Variants in SYNE1 observed in about 807,000 individuals in gnomAD.
SYNE1 encodes the protein nesprin-1.
A neutral mutation model predicts 1,111.0 loss-of-function variants in SYNE1; 616 were observed. That is an observed-to-expected ratio of 0.55 (90% CI 0.52 to 0.59). The LOEUF (loss-of-function observed/expected upper bound fraction) is 0.59. Among genes scored for constraint, SYNE1 ranks in the 20% least tolerant of loss-of-function variants. The pLI is 0.00. For missense variants in SYNE1, 10,006 were observed against 10,417.0 expected (o/e 0.96, Z 1.72); for synonymous variants, 3,855 against 3,825.8 (o/e 1.01, Z -0.28).
chr6:152,320,726 G>A (rs547595169), intron 84 of SYNE1, among the ~76,000 whole-genome samples: 21 of 152,330 alleles, frequency 1.4e-4, no homozygotes, highest in African/African-American at 5.0e-4. Flanking sequence ...TTCCTTGGGT[G>A]TTTAGAAGCT....
intron 3 of SYNE1, among the ~76,000 whole-genome samples, chr6:152,603,815 TATA>T (rs2099602062): frequency 8.0e-6 from 1 of 124,498 alleles, no homozygotes; most frequent in Non-Finnish European, 1.7e-5. Flanking sequence ...ATAGAGAGTA[TATA>T]TATATATAGA....
At chr6:152,567,497 A>AT (rs1176838947) in intron 3 of SYNE1, among the ~76,000 whole-genome samples, 2 of 152,110 alleles carry the variant, frequency 1.3e-5, no homozygotes, top group South Asian at 2.1e-4. Context: ...GCTTCTATTG[A>AT]TTTTTTTGTC....
chr6:152,339,197 TATA>T (rs1421123205), intron 75 of SYNE1, 41 bp downstream of exon 75: 1 of 1,607,982 alleles, frequency 6.2e-7, no homozygotes, highest in Non-Finnish European at 8.5e-7. Flanking sequence ...AGCAAGAGAA[TATA>T]ATAAAACAAA....
At chr6:152,379,637 T>C (rs187604237) in intron 56 of SYNE1, among the ~76,000 whole-genome samples, 1 of 152,226 alleles carries the variant, frequency 6.6e-6, no homozygotes, top group Admixed American at 6.5e-5. Flanking sequence ...AAAGAAAACA[T>C]GAATATTGAG....
intron 3 of SYNE1, among the ~76,000 whole-genome samples, chr6:152,603,974 C>T (rs2099604166): frequency 7.2e-6 from 1 of 138,318 alleles, no homozygotes; most frequent in African/African-American, 2.8e-5. Flanking sequence ...ATATGTATAT[C>T]TCTATATCTG....
chr6:152,425,349 C>T (rs746425463), intron 39 of SYNE1, 32 bp downstream of exon 39: 2 of 1,604,930 alleles, frequency 1.2e-6, no homozygotes, highest in East Asian at 2.2e-5. Flanking sequence ...AACAAATGAA[C>T]AATATTAGAA....
At position 152,540,033 on chromosome 6, in the gene SYNE1, A is replaced by G; in HGVS notation, c.68-12T>C. On this transcript the variant is annotated splice_polypyrimidine_tract_variant and intron_variant, in intron 3 of 145. Coordinates refer to ENST00000367255, the MANE Select transcript of SYNE1 (RefSeq NM_182961.4). The stretch of plus-strand genomic sequence containing the variant: ...TATCTCTTGCTCATCTAGAAGGAAA[A>G]AGAAATCTGGTTAAATAATGTAATA... The G allele has an allele frequency of 6.2e-7, 1 of 1,612,974 alleles. No homozygotes were observed. Among genetic ancestry groups the G allele is most frequent in the African/African-American group, 1.3e-5 (1 of 75,016 alleles).
At chr6:152,316,646 AT>A (rs1306450777) in intron 87 of SYNE1, 3 of 611,694 alleles carry the variant, frequency 4.9e-6, no homozygotes, top group Non-Finnish European at 8.5e-6. Context: ...AAGATCAAGG[AT>A]ATTTATTTAT....
intron 6 of SYNE1, among the ~76,000 whole-genome samples, chr6:152,515,437 G>A (rs1001994397): frequency 2.6e-5 from 4 of 152,068 alleles, no homozygotes; most frequent in Admixed American, 6.6e-5. Context: ...TCAACTGCCT[G>A]CCTTATTTAA....
intron 3 of SYNE1, among the ~76,000 whole-genome samples, chr6:152,580,780 G>A (rs1390187800): frequency 6.6e-6 from 1 of 152,126 alleles, no homozygotes; most frequent in African/African-American, 2.4e-5. Context: ...TTGTGGAGCA[G>A]AGATAAGCCA....
chr6:152,442,070 C>T lies in SYNE1; in HGVS notation c.4008+5G>A. On this transcript the variant is annotated splice_donor_5th_base_variant and intron_variant, in intron 31 of 145. Transcript: ENST00000367255. ...TTTAAATGGCCCCTAACTTCCGGCT[C>T]CTACCTGGATGCGGCGTTCCTGCCT... 6.2e-7 allele frequency: 1 copy of T among 1,614,102 alleles called. No homozygotes were observed.
At chr6:152,159,640 T>C (rs2152983616) in intron 131 of SYNE1, among the ~76,000 whole-genome samples, 1 of 152,226 alleles carries the variant, frequency 6.6e-6, no homozygotes, top group African/African-American at 2.4e-5. Flanking sequence ...GGTCTTGCTC[T>C]GTCACCCAGG....
chr6:152,215,420 G>A (rs754216641), intron 121 of SYNE1, among the ~76,000 whole-genome samples: 52 of 151,598 alleles, frequency 3.4e-4, no homozygotes, highest in Non-Finnish European at 6.2e-4. Context: ...TTTTTATTAC[G>A]TGTATTATAT....
Position 152,309,930 on chromosome 6 carries a change from C to A in SYNE1, c.17107G>T (p.Val5703Phe). The A allele has an allele frequency of 6.2e-7, 1 of 1,614,154 alleles. No homozygotes were observed. The highest frequency in any genetic ancestry group is 8.5e-7 in the Non-Finnish European group (1 of 1,180,044). ...GCATGACAGAGAGGTAAGCTGGCAA[C>A]CACATCCTCGGGGATCCGGAGGGCA... is the stretch of plus-strand genomic sequence containing the variant. ...QSALRIPEDV[V>F]ASLPLCHAAL... Residue 5703 changes from valine (V) to phenylalanine (F), a missense_variant, in exon 90 of 146, where the codon GTT becomes TTT. This residue lies in a region of SYNE1 where 4,955 missense variants were observed against 5,017.2 expected (regional missense o/e 0.99). Transcript: ENST00000367255.
At chr6:152,481,061 G>T in intron 14 of SYNE1, 8 of 283,750 alleles carry the variant, frequency 2.8e-5, no homozygotes, top group South Asian at 1.1e-4. Flanking sequence ...GGCCAACTTA[G>T]GACTCACTCC....
intron 16 of SYNE1, among the ~76,000 whole-genome samples, chr6:152,470,496 C>A (rs921095377): frequency 6.6e-6 from 1 of 152,082 alleles, no homozygotes; most frequent in African/African-American, 2.4e-5. Flanking sequence ...AGGAACATAA[C>A]AGATTTTGCA....
chr6:152,592,261 A>G (rs1378312872), intron 3 of SYNE1, among the ~76,000 whole-genome samples: 1 of 152,096 alleles, frequency 6.6e-6, no homozygotes, highest in Non-Finnish European at 1.5e-5. Context: ...AGACACATGC[A>G]CTCATAGGTT....
At chr6:152,440,298 C>T (rs557036008) in intron 32 of SYNE1, among the ~76,000 whole-genome samples, 1 of 152,186 alleles carries the variant, frequency 6.6e-6, no homozygotes, top group South Asian at 2.1e-4. Context: ...CAGCTCTGAT[C>T]GTGTGGCTTT....
Position 152,224,680 on chromosome 6 carries a change from A to T in SYNE1, c.21352-16T>A. The T allele has an allele frequency of 6.2e-7, 1 of 1,611,632 alleles. No individual in the cohort carries two copies. Among genetic ancestry groups the T allele is most frequent in the Non-Finnish European group, 8.5e-7 (1 of 1,177,940 alleles). The stretch of plus-strand genomic sequence containing the variant: ...ATTGTCCAACCTTTTGAAAAAGACA[A>T]ATATGGCTTATAATTTCATAATATC... On this transcript the variant is annotated splice_polypyrimidine_tract_variant and intron_variant, in intron 116 of 145. Transcript: ENST00000367255.
Sources: gnomAD v4.1 joint callset for allele counts (sites outside exome capture counted in the v4.1 genomes callset) on GRCh38, gnomAD v4.1.1 for gene constraint, gnomAD v4.1.1 regional missense constraint, MANE v1.5 for transcripts, NCBI Gene and HGNC (gene_info 2026-07-23, HGNC 2026-07-21) for gene names.